DNAH5: variants seen among roughly 807,000 people sequenced by gnomAD.
DNAH5 encodes the protein axonemal beta dynein heavy chain 5.
DNAH5 carries 372 observed loss-of-function variants against 518.2 expected under a neutral mutation model. The observed-to-expected ratio is 0.72, with a 90% CI of 0.66 to 0.78. The LOEUF (loss-of-function observed/expected upper bound fraction) is 0.78. Ranked by LOEUF, DNAH5 falls within the 30% of genes least tolerant of loss-of-function variation. The probability of loss-of-function intolerance (pLI) is 0.00; values close to 1 mark genes in which losing one functional copy is unlikely to be tolerated. For synonymous variants in DNAH5, 2,039 were observed against 2,025.9 expected, an observed-to-expected ratio of 1.01 and a Z score of -0.17; for missense variants, 5,523 against 5,687.0, an observed-to-expected ratio of 0.97 and a Z score of 0.93.
intron 51 of DNAH5, among the ~76,000 whole-genome samples, chr5:13,787,221 T>G (rs1289552595): frequency 6.7e-6 from 1 of 148,614 alleles, no homozygotes; most frequent in African/African-American, 2.5e-5. Flanking sequence ...AAAAAAAGGA[T>G]AATGCCCAAG....
intron 35 of DNAH5, among the ~76,000 whole-genome samples, chr5:13,837,128 C>T (rs995919429): frequency 2.0e-5 from 3 of 152,322 alleles, no homozygotes; most frequent in South Asian, 2.1e-4. Flanking sequence ...ATTACAATCC[C>T]GTGAGACCCA....
chr5:13,942,319 G>A (rs529770675), intron 1 of DNAH5, among the ~76,000 whole-genome samples: 10 of 152,200 alleles, frequency 6.6e-5, no homozygotes, highest in South Asian at 4.2e-4. Flanking sequence ...AGACCTTAGC[G>A]TGGAACTTAG....
At chr5:13,950,355 C>G (rs1035913301) in intron 1 of DNAH5, among the ~76,000 whole-genome samples, 1 of 152,060 alleles carries the variant, frequency 6.6e-6, no homozygotes, top group Non-Finnish European at 1.5e-5. Context: ...TGGCTCACTA[C>G]AACCTTCGCC....
At chr5:13,842,423 A>AAAAGAAAAGAAAG (rs1554073317) in intron 32 of DNAH5, among the ~76,000 whole-genome samples, 113 of 75,954 alleles carry the variant, frequency 1.5e-3, no homozygotes, top group Non-Finnish European at 2.1e-3. Context: ...AAAAGAAAAG[A>AAAAGAAAAGAAAG]AAAGAAAGAA....
At position 13,793,926 on chromosome 5, in the gene DNAH5, A is replaced by G; in HGVS notation, c.8010+10T>C. ...TTAAAGAAATAAAATGCACAATAGA[A>G]TGATGATACCTGATCTCCCCACTCA... On this transcript the variant is annotated intron_variant, in intron 48 of 78. Coordinates refer to ENST00000265104, the MANE Select transcript of DNAH5 (RefSeq NM_001369.3). 8 of 1,614,026 alleles carry G rather than the reference A, an allele frequency of 5.0e-6. No individual in the cohort carries two copies. Among genetic ancestry groups the G allele is most frequent in the Non-Finnish European group, 6.8e-6 (8 of 1,179,940 alleles).
chr5:13,839,526 A>G lies in DNAH5; in HGVS notation c.5712T>C (p.Cys1904=), dbSNP rs2151857507. ...VHQRDIFDDL[C]HMHIKSPMDF... is the part of the protein sequence containing the mutation. ...CCATGGGACTCTTGATATGCATATG[A>G]CACTGAAATTCAAAAGGTATATGTT... is the stretch of plus-strand genomic sequence containing the variant. The change falls in exon 35 of 79, where the codon TGT becomes TGC. Residue 1904 remains cysteine (C), a splice_region_variant and synonymous_variant. Transcript: ENST00000265104. 6.2e-7 allele frequency: 1 copy of G among 1,613,154 alleles called. No homozygotes were observed. Among genetic ancestry groups the G allele is most frequent in the Non-Finnish European group, 8.5e-7 (1 of 1,179,342 alleles).
At chr5:13,781,078 A>G (rs1755054434) in intron 52 of DNAH5, 119 bp from the exon 53 acceptor site, 3 of 1,144,554 alleles carry the variant, frequency 2.6e-6, no homozygotes, top group African/African-American at 1.5e-5. Flanking sequence ...GTGTCTCAAG[A>G]TCAGACTGGA....
intron 1 of DNAH5, among the ~76,000 whole-genome samples, chr5:13,968,967 A>T (rs1023604587): frequency 4.0e-5 from 6 of 151,876 alleles, no homozygotes; most frequent in African/African-American, 1.2e-4. Flanking sequence ...TTTGTTGGCA[A>T]TTTTTTTATT....
intron 34 of DNAH5, among the ~76,000 whole-genome samples, chr5:13,839,981 C>G (rs756222359): frequency 1.3e-5 from 2 of 152,164 alleles, no homozygotes; most frequent in African/African-American, 2.4e-5. Context: ...AATTATTTTT[C>G]CCAAGAATTA....
chr5:13,991,595 AGAG>A (rs1206546639), intron 1 of DNAH5, among the ~76,000 whole-genome samples: 5 of 144,820 alleles, frequency 3.5e-5, no homozygotes, highest in African/African-American at 1.3e-4. Flanking sequence ...AGGAGGGGGA[AGAG>A]GAGGAGGAAG....
chr5:13,806,403 G>T (rs1277290659), intron 47 of DNAH5, among the ~76,000 whole-genome samples: 2 of 152,108 alleles, frequency 1.3e-5, no homozygotes, highest in African/African-American at 4.8e-5. Flanking sequence ...GTCTTATTTA[G>T]AAGTTTAATC....
At chr5:13,775,449 GGATA>G (rs1214854832) in intron 55 of DNAH5, among the ~76,000 whole-genome samples, 1 of 151,142 alleles carries the variant, frequency 6.6e-6, no homozygotes, top group African/African-American at 2.5e-5. Flanking sequence ...AAAGATAGAT[GGATA>G]GATAATGGAT....
chr5:13,966,023 C>T (rs1781502103), intron 1 of DNAH5, among the ~76,000 whole-genome samples: 1 of 151,564 alleles, frequency 6.6e-6, no homozygotes, highest in East Asian at 1.9e-4. Flanking sequence ...TCCATTGTAT[C>T]ATTCTTATGC....
intron 75 of DNAH5, among the ~76,000 whole-genome samples, chr5:13,713,434 C>CATATATATATATATACATCGACAT (rs1743843920): frequency 1.4e-5 from 1 of 70,662 alleles, no homozygotes; most frequent in South Asian, 5.3e-4. Flanking sequence ...TATACATCGA[C>CATATATATATATATACATCGACAT]ATATATATAT....
In DNAH5 at chr5:13,701,422, A is replaced by G; in HGVS notation, c.13353T>C (p.Ser4451=). Reference sequence around the variant, plus strand: ...CAGTAAACCAGAAACCCAGTGTACTAGAAATCCAAGAAGCCTGCAATGAAG... The same window carrying G: ...CAGTAAACCAGAAACCCAGTGTACTGGAAATCCAAGAAGCCTGCAATGAAG... The part of the protein sequence containing the change: ...PAWWKKASWI[S]STLGFWFTEL... Residue 4451 remains serine (S), a synonymous_variant, in exon 77 of 79, where the codon TCT becomes TCC. Transcript: ENST00000265104. 4 of 1,612,352 alleles carry G rather than the reference A, an allele frequency of 2.5e-6. No individual in the cohort carries two copies. The highest frequency in any genetic ancestry group is 3.4e-6 in the Non-Finnish European group (4 of 1,178,286).
intron 40 of DNAH5, 120 bp from the exon 41 acceptor site, chr5:13,820,619 T>C: frequency 1.7e-6 from 2 of 1,153,966 alleles, no homozygotes; most frequent in South Asian, 2.5e-5. Context: ...GGTCAGGAGT[T>C]CAAGACCAGC....
chr5:13,816,791 T>C (rs1348476554), intron 42 of DNAH5, among the ~76,000 whole-genome samples: 1 of 152,200 alleles, frequency 6.6e-6, no homozygotes, highest in Non-Finnish European at 1.5e-5. Flanking sequence ...TTTAAACATT[T>C]TTCAGAAGGA....
chr5:13,753,542 T>C lies in DNAH5; in HGVS notation c.10563A>G (p.Val3521=). The part of the protein sequence containing the change: ...AAQTKRLVGD[V]LLATAFLSYS... ...AAGATAGAAAAGCTGTAGCCAACAG[T>C]ACATCCCCTAAAATAGAAAACAAAC... The change falls in exon 63 of 79, where the codon GTA becomes GTG. Residue 3521 remains valine (V), a synonymous_variant. Coordinates refer to ENST00000265104, the MANE Select transcript of DNAH5 (RefSeq NM_001369.3). 1 of 1,612,972 alleles carries C rather than the reference T, an allele frequency of 6.2e-7. No individual in the cohort carries two copies. The highest frequency in any genetic ancestry group is 8.5e-7 in the Non-Finnish European group (1 of 1,179,344).
Position 13,707,426 on chromosome 5 carries a change from T to C in DNAH5, c.13338+697A>G, listed in dbSNP as rs749680718. Among the ~76,000 whole-genome samples, 2 of 152,218 alleles carry C rather than the reference T, an allele frequency of 1.3e-5. No homozygotes were observed. The highest frequency in any genetic ancestry group is 2.9e-5 in the Non-Finnish European group (2 of 68,044). On this transcript the variant is annotated intron_variant, in intron 76 of 78. Transcript: ENST00000265104. This position sits in a 1 kb window ranked among gnomAD's most constrained non-coding sequence, Gnocchi z 4.0. ...TGCGATAAAGAGGGTCTAATTGAGCTGATTAACGCGAGCCATCTGCAGATG... is the reference window on the plus strand; with the variant it reads ...TGCGATAAAGAGGGTCTAATTGAGCCGATTAACGCGAGCCATCTGCAGATG...
Sources: allele counts gnomAD v4.1 joint callset (sites outside exome capture counted in the v4.1 genomes callset), GRCh38; gene constraint gnomAD v4.1.1; non-coding constraint Gnocchi (gnomAD v3.1); transcripts MANE v1.5; gene names NCBI Gene and HGNC (gene_info 2026-07-23, HGNC 2026-07-21).